The following SH3GL2 variants were observed in gnomAD, a reference collection of about 807,000 sequenced individuals.
SH3GL2 encodes the protein SH3 domain containing GRB2 like 2, endophilin A1.
SH3GL2 carries 24 observed loss-of-function variants against 46.0 expected under a neutral mutation model. The ratio of observed to expected loss-of-function variants is 0.52; its 90% CI spans 0.38 to 0.73. The LOEUF (loss-of-function observed/expected upper bound fraction) is 0.73, where lower values mean the gene tolerates loss of function less well. Ranked by LOEUF, SH3GL2 falls within the 30% of genes least tolerant of loss-of-function variation. The pLI is 0.00. For synonymous variants in SH3GL2, 196 were observed against 147.1 expected (o/e 1.33, Z -2.40); for missense variants, 413 against 424.2 (o/e 0.97, Z 0.23).
intron 1 of SH3GL2, among the ~76,000 whole-genome samples, chr9:17,636,160 A>T (rs201711565): frequency 6.6e-6 from 1 of 152,198 alleles, no homozygotes; most frequent in African/African-American, 2.4e-5. Flanking sequence ...GATGGAGTTT[A>T]AAAAGAGTTA....
rs184274084 is a variant in SH3GL2, at chr9:17,791,316, C to T, written c.710C>T (p.Thr237Met). The T allele has an allele frequency of 4.7e-5, 76 of 1,610,654 alleles. No homozygotes were observed. Among genetic ancestry groups the T allele is most frequent in the Non-Finnish European group, 5.9e-5 (70 of 1,176,910 alleles). Residue 237 changes from threonine (T) to methionine (M), a missense_variant, in exon 7 of 9, where the codon ACG becomes ATG. Physicochemically the swap from Thr to Met is moderately conservative, Grantham distance 81. Transcript: ENST00000380607. ...GCAGTCCAGATCCTGCAGCAAGTCA[C>T]GGTCAGACTGGAAGAAAGGTATTCT... ...KQAVQILQQV[T>M]VRLEERIRQA...
At position 17,672,504 on chromosome 9, in the gene SH3GL2, A is replaced by T. The variant is rs572069155; in HGVS notation, c.46-74562A>T. Reference sequence around the variant, plus strand: ...GGCATGTACATAGATCTTGAAAATTAGCTGGACTTAAGTAGGCATTTAGTT... The same window carrying T: ...GGCATGTACATAGATCTTGAAAATTTGCTGGACTTAAGTAGGCATTTAGTT... On this transcript the variant is annotated intron_variant, in intron 1 of 8. Coordinates refer to ENST00000380607, the MANE Select transcript of SH3GL2 (RefSeq NM_003026.5). Among the ~76,000 whole-genome samples the T allele has an allele frequency of 1.5e-4, 23 of 152,302 alleles. 1 individual carries two copies. Among genetic ancestry groups the T allele is most frequent in the Middle Eastern group, 3.4e-3 (1 of 294 alleles).
chr9:17,753,716 T>A (rs373980605), intron 2 of SH3GL2, among the ~76,000 whole-genome samples: 38 of 152,236 alleles, frequency 2.5e-4, no homozygotes, highest in African/African-American at 8.7e-4. Flanking sequence ...TGGTTGCAAT[T>A]GCTTTTGGTG....
intron 1 of SH3GL2, among the ~76,000 whole-genome samples, chr9:17,623,647 C>G (rs756325548): frequency 1.4e-4 from 21 of 151,496 alleles, no homozygotes; most frequent in Admixed American, 4.0e-4. Flanking sequence ...CAAAGAATAC[C>G]TGTCCATTTA....
chr9:17,688,058 C>T (rs1820969072), intron 1 of SH3GL2, among the ~76,000 whole-genome samples: 1 of 152,014 alleles, frequency 6.6e-6, no homozygotes, highest in African/African-American at 2.4e-5. Context: ...CCTTCTGCTC[C>T]CTGCTTTCAC....
At chr9:17,595,318 G>C (rs148288399) in intron 1 of SH3GL2, among the ~76,000 whole-genome samples, 1 of 152,274 alleles carries the variant, frequency 6.6e-6, no homozygotes, top group African/African-American at 2.4e-5. Flanking sequence ...CAATATGAAA[G>C]GCAGTATTTG....
chr9:17,665,668 A>G (rs924511216), intron 1 of SH3GL2, among the ~76,000 whole-genome samples: 8 of 151,922 alleles, frequency 5.3e-5, no homozygotes, highest in African/African-American at 1.9e-4. Context: ...TCTTTACATC[A>G]TACATCATCT....
intron 1 of SH3GL2, among the ~76,000 whole-genome samples, chr9:17,669,330 T>C (rs1168944350): frequency 1.3e-5 from 2 of 152,168 alleles, no homozygotes; most frequent in Non-Finnish European, 2.9e-5. Flanking sequence ...TTCTGTCACA[T>C]ATATAGGTTC....
intron 1 of SH3GL2, among the ~76,000 whole-genome samples, chr9:17,650,992 G>GTT (rs1347655481): frequency 6.6e-6 from 1 of 151,994 alleles, no homozygotes; most frequent in African/African-American, 2.4e-5. Context: ...CCTTGTGTGT[G>GTT]TGTGTTTGCA....
chr9:17,582,328 A>G (rs1169894393), intron 1 of SH3GL2, among the ~76,000 whole-genome samples: 1 of 152,232 alleles, frequency 6.6e-6, no homozygotes, highest in Admixed American at 6.5e-5. Flanking sequence ...AATTGCTCAT[A>G]AAGATATAAT....
chr9:17,726,662 G>A (rs1822027885), intron 1 of SH3GL2, among the ~76,000 whole-genome samples: 1 of 152,150 alleles, frequency 6.6e-6, no homozygotes, highest in Non-Finnish European at 1.5e-5. Context: ...TGTGTGATAT[G>A]CCTAGGCAGG....
chr9:17,724,793 C>A (rs1821982270), intron 1 of SH3GL2, among the ~76,000 whole-genome samples: 1 of 152,142 alleles, frequency 6.6e-6, no homozygotes, highest in Admixed American at 6.6e-5. Context: ...TGTGTGGCCC[C>A]TGATGTCCCT....
chr9:17,679,663 A>T (rs555926233), intron 1 of SH3GL2, among the ~76,000 whole-genome samples: 1 of 152,074 alleles, frequency 6.6e-6, no homozygotes, highest in Non-Finnish European at 1.5e-5. Context: ...TTTCAACACT[A>T]TGTTGAATAG....
Position 17,579,068 on chromosome 9 carries a change from CAG to C in SH3GL2, c.-172_-171del. Reference sequence around the variant, plus strand: ...AGGCCGCATCACCCGCCCTTGACGTCAGAGTGTTTCTCCGCAAGAGCCCGTGT... The same window carrying C: ...AGGCCGCATCACCCGCCCTTGACGTCAGTGTTTCTCCGCAAGAGCCCGTGT... On this transcript the variant is annotated 5_prime_UTR_variant, in exon 1 of 9. Transcript: ENST00000380607. 2.1e-6 allele frequency: 1 copy of C among 466,744 alleles called. No individual in the cohort carries two copies. The allele number at this position is 466,744 out of a possible 1,614,324, so 28.9% of individuals were successfully genotyped here.
intron 1 of SH3GL2, among the ~76,000 whole-genome samples, chr9:17,684,059 A>G (rs1820842807): frequency 6.6e-6 from 1 of 152,110 alleles, no homozygotes; most frequent in Non-Finnish European, 1.5e-5. Flanking sequence ...GATGCACAAA[A>G]AGTGAGGTAA....
At chr9:17,671,469 A>T (rs561742761) in intron 1 of SH3GL2, among the ~76,000 whole-genome samples, 1 of 152,310 alleles carries the variant, frequency 6.6e-6, no homozygotes, top group South Asian at 2.1e-4. Context: ...GTACATTGAA[A>T]AATAACTAAA....
chr9:17,718,249 C>T (rs1821808626), intron 1 of SH3GL2, among the ~76,000 whole-genome samples: 2 of 152,106 alleles, frequency 1.3e-5, no homozygotes, highest in Admixed American at 6.6e-5. Context: ...TCATGCCATC[C>T]TCCCTCACAC....
intron 1 of SH3GL2, among the ~76,000 whole-genome samples, chr9:17,588,780 A>G (rs916405730): frequency 1.3e-5 from 2 of 152,236 alleles, no homozygotes; most frequent in South Asian, 2.1e-4. Context: ...TTGTAAGATA[A>G]TAAATGGGTA....
chr9:17,793,249 C>A, intron 7 of SH3GL2, 118 bp from the exon 8 acceptor site: 3 of 886,450 alleles, frequency 3.4e-6, no homozygotes, highest in Non-Finnish European at 5.1e-6. Context: ...TGATTTCCCA[C>A]ACTTCATCAT....
Sources: gnomAD v4.1 joint callset for allele counts (sites outside exome capture counted in the v4.1 genomes callset) on GRCh38, gnomAD v4.1.1 for gene constraint, MANE v1.5 for transcripts, NCBI Gene and HGNC (gene_info 2026-07-23, HGNC 2026-07-21) for gene names.